The following GAPVD1 variants were observed in gnomAD, a reference collection of about 807,000 sequenced individuals.
GAPVD1 encodes GTPase activating protein and VPS9 domains 1.
Under a neutral mutation model 155.5 loss-of-function variants are expected in GAPVD1, and 35 were observed. That is an observed-to-expected ratio of 0.23 (90% CI 0.17 to 0.30). GAPVD1 has a LOEUF of 0.30. GAPVD1 is among the 10% of genes least tolerant of loss of function. The probability of loss-of-function intolerance (pLI) is 1.00; values close to 1 mark genes in which losing one functional copy is unlikely to be tolerated. For missense variants in GAPVD1, 1,429 were observed against 1,775.7 expected, an observed-to-expected ratio of 0.80 and a Z score of 3.51; for synonymous variants, 636 against 619.7, an observed-to-expected ratio of 1.03 and a Z score of -0.39.
chr9:125,336,321 A>T (rs1431240025), intron 15 of GAPVD1, among the ~76,000 whole-genome samples: 5 of 151,246 alleles, frequency 3.3e-5, no homozygotes, highest in African/African-American at 1.2e-4. Flanking sequence ...AACAAAAAAT[A>T]GCTTCAGACT....
At chr9:125,297,062 G>C (rs1359450211) in intron 3 of GAPVD1, among the ~76,000 whole-genome samples, 1 of 152,166 alleles carries the variant, frequency 6.6e-6, no homozygotes, top group Non-Finnish European at 1.5e-5. Context: ...TTTAACATTT[G>C]TGATCTGGCA....
At chr9:125,270,343 T>G (rs538514291) in intron 2 of GAPVD1, among the ~76,000 whole-genome samples, 2 of 151,176 alleles carry the variant, frequency 1.3e-5, no homozygotes, top group South Asian at 2.1e-4. Flanking sequence ...GCAGGAGAAT[T>G]GCTTGAACCT....
At chr9:125,330,316 A>AT in intron 13 of GAPVD1, 98 bp downstream of exon 13, 1 of 697,250 alleles carries the variant, frequency 1.4e-6, no homozygotes, top group Non-Finnish European at 2.1e-6. Context: ...TGTCAAATAC[A>AT]CTTTTTTTTT....
chr9:125,330,242 T>G (rs1162743220), intron 13 of GAPVD1, 24 bp downstream of exon 13: 1 of 1,531,320 alleles, frequency 6.5e-7, no homozygotes, highest in South Asian at 1.2e-5. Flanking sequence ...CATTGTTTGC[T>G]TTTTCATTTA....
At chr9:125,346,624 C>T (rs975079847) in intron 19 of GAPVD1, 195 bp from the exon 20 acceptor site, 35 of 615,916 alleles carry the variant, frequency 5.7e-5, no homozygotes, top group Non-Finnish European at 7.4e-5. Flanking sequence ...TCCCAATTTC[C>T]TGCTTTGGCA....
At position 125,354,826 on chromosome 9, in the gene GAPVD1, A is replaced by C. The variant is rs1341278353; in HGVS notation, c.3742A>C (p.Arg1248=). Residue 1248 remains arginine, a synonymous_variant, in exon 24 of 28, where the codon AGG becomes CGG. Coordinates refer to ENST00000297933, the MANE Select transcript of GAPVD1 (RefSeq NM_001282680.3). The part of the protein sequence containing the change: ...LLLESKEKKI[R]EFIQDFQKLT... ...GCTTGAGAGCAAAGAAAAGAAGATC[A>C]GGGAATTCATTCAAGGTAACTCAAT... 1 of 1,612,264 alleles carries C rather than the reference A, an allele frequency of 6.2e-7. No homozygotes were observed.
In GAPVD1 at chr9:125,337,645, G is replaced by C. The variant is rs907207993; in HGVS notation, c.2877+54G>C. Reference sequence around the variant, plus strand: ...TATGTTCTGCCTGCCTAGTTCTCTTGATATCTGAAATTAACATGGAATATA... The same window carrying C: ...TATGTTCTGCCTGCCTAGTTCTCTTCATATCTGAAATTAACATGGAATATA... On this transcript the variant is annotated intron_variant, in intron 17 of 27. Transcript: ENST00000297933. 2.7e-6 allele frequency: 4 copies of C among 1,467,928 alleles called. No homozygotes were observed. In the East Asian group the frequency reaches 9.1e-5, roughly 33 times the overall value. The allele number at this position is 1,467,928 out of a possible 1,614,324, so 90.9% of individuals were successfully genotyped here.
intron 1 of GAPVD1, among the ~76,000 whole-genome samples, chr9:125,265,369 G>A (rs552436414): frequency 6.6e-6 from 1 of 151,798 alleles, no homozygotes; most frequent in South Asian, 2.1e-4. Context: ...TTACCAAGTA[G>A]CTAGGACTAT....
chr9:125,323,646 C>G, intron 10 of GAPVD1, 152 bp from the exon 11 acceptor site: 1 of 679,342 alleles, frequency 1.5e-6, no homozygotes, highest in Non-Finnish European at 2.5e-6. Context: ...TTCCTAGAAG[C>G]AGAATTTCTC....
intron 10 of GAPVD1, among the ~76,000 whole-genome samples, 200 bp from the exon 11 acceptor site, chr9:125,323,598 C>T (rs575529681): frequency 5.9e-5 from 9 of 152,176 alleles, no homozygotes; most frequent in African/African-American, 9.7e-5. Flanking sequence ...AGGCATTGCA[C>T]CCAGCAGATT....
intron 17 of GAPVD1, among the ~76,000 whole-genome samples, chr9:125,339,857 T>G (rs969416122): frequency 6.6e-6 from 1 of 152,230 alleles, no homozygotes; most frequent in African/African-American, 2.4e-5. Context: ...ATCCCCACTG[T>G]TAAGTTAACT....
intron 19 of GAPVD1, among the ~76,000 whole-genome samples, chr9:125,343,194 CT>C (rs775104266): frequency 6.8e-3 from 961 of 141,638 alleles, no homozygotes; most frequent in Non-Finnish European, 6.9e-3. Flanking sequence ...TGCAGGAACC[CT>C]TTTTTTTTTT....
chr9:125,271,132 T>C (rs187095966), intron 2 of GAPVD1, among the ~76,000 whole-genome samples: 2 of 152,236 alleles, frequency 1.3e-5, no homozygotes, highest in East Asian at 3.9e-4. Flanking sequence ...AAAATTATGT[T>C]TTTGTATACC....
intron 25 of GAPVD1, among the ~76,000 whole-genome samples, chr9:125,356,974 C>T (rs924653545): frequency 2.6e-5 from 4 of 152,172 alleles, no homozygotes; most frequent in African/African-American, 9.7e-5. Flanking sequence ...TGCGCTCAGC[C>T]TTGTTTATTT....
chr9:125,300,674 G>A (rs1416042564), intron 4 of GAPVD1, among the ~76,000 whole-genome samples: 4 of 152,134 alleles, frequency 2.6e-5, no homozygotes, highest in East Asian at 3.9e-4. Context: ...ACGTGAAAGC[G>A]TTCTTGGGTT....
At chr9:125,327,914 G>T (rs994949910) in intron 12 of GAPVD1, among the ~76,000 whole-genome samples, 1 of 152,100 alleles carries the variant, frequency 6.6e-6, no homozygotes, top group African/African-American at 2.4e-5. Context: ...TCTTTCATCT[G>T]TTCTCCTATC....
Position 125,362,750 on chromosome 9 carries a change from A to G in GAPVD1, c.*4A>G. On this transcript the variant is annotated 3_prime_UTR_variant, in exon 28 of 28. Coordinates refer to ENST00000297933, the MANE Select transcript of GAPVD1 (RefSeq NM_001282680.3). ...AACCATCGATGACCGAAAGTGACCA[A>G]GACCAAGGCCCACCAAGGCAGCAGA... 1 of 1,612,552 alleles carries G rather than the reference A, an allele frequency of 6.2e-7. No homozygotes were observed. The highest frequency in any genetic ancestry group is 8.5e-7 in the Non-Finnish European group (1 of 1,179,284).
At chr9:125,358,834 C>G (rs118128783) in intron 25 of GAPVD1, among the ~76,000 whole-genome samples, 6,671 of 152,264 alleles carry the variant, frequency 0.044, 202 homozygotes, top group Middle Eastern at 0.095. Flanking sequence ...TTATTTTTCC[C>G]CACCCTCCGT....
At position 125,299,065 on chromosome 9, in the gene GAPVD1, G is replaced by A. The variant is rs372526835; in HGVS notation, c.144G>A (p.Ala48=). 5.0e-6 allele frequency: 8 copies of A among 1,603,936 alleles called. No homozygotes were observed. Among genetic ancestry groups the A allele is most frequent in the South Asian group, 1.1e-5 (1 of 88,604 alleles). The part of the protein sequence containing the change: ...AEKLYRTAWI[A]KQQRINLDRL... ...AGTTGTATCGTACAGCATGGATTGC[G>A]AAGCAACAGAGAATCAATTTGGATC... Residue 48 remains alanine (A), a synonymous_variant, in exon 4 of 28, where the codon GCG becomes GCA. Coordinates refer to ENST00000297933, the MANE Select transcript of GAPVD1 (RefSeq NM_001282680.3).
Sources: gnomAD v4.1 joint callset for allele counts (sites outside exome capture counted in the v4.1 genomes callset) on GRCh38, gnomAD v4.1.1 for gene constraint, MANE v1.5 for transcripts, NCBI Gene and HGNC (gene_info 2026-07-23, HGNC 2026-07-21) for gene names.